Variants in STK11IP observed in about 807,000 individuals in gnomAD.
STK11IP encodes serine/threonine kinase 11 interacting protein, also known as serine/threonine-protein kinase 11-interacting protein.
In STK11IP, 103 loss-of-function variants were observed where a neutral mutation model predicts 131.7. That is an observed-to-expected ratio of 0.78 (90% CI 0.67 to 0.92). The LOEUF (loss-of-function observed/expected upper bound fraction) is 0.92, where lower values mean the gene tolerates loss of function less well. Ranked by LOEUF, STK11IP falls within the 40% of genes least tolerant of loss-of-function variation. The pLI, the probability that STK11IP is intolerant of heterozygous loss-of-function variation, is 0.00. For synonymous variants in STK11IP, 557 were observed against 575.6 expected, an observed-to-expected ratio of 0.97 and a Z score of 0.46; for missense variants, 1,315 against 1,385.7, an observed-to-expected ratio of 0.95 and a Z score of 0.81.
Position 219,615,144 on chromosome 2 carries a change from C to T in STK11IP, c.2920C>T (p.Leu974=), listed in dbSNP as rs537512363. 9 of 1,608,352 alleles carry T rather than the reference C, an allele frequency of 5.6e-6. No individual in the cohort carries two copies. The East Asian group carries it at 1.6e-4, about 28-fold the overall frequency. ...GTTGCTGACTCCGTCCACCCTGTTC[C>T]TGTTAGATGAGGATGCTGCAGGGTC... The part of the protein sequence containing the change: ...SLLLTPSTLF[L]LDEDAAGSPA... The change falls in exon 24 of 25, where the codon CTG becomes TTG. Residue 974 remains leucine (L), a synonymous_variant. Coordinates refer to ENST00000456909, the MANE Select transcript of STK11IP (RefSeq NM_052902.4).
At chr2:219,610,917 T>C (rs1698375879) in intron 17 of STK11IP, among the ~76,000 whole-genome samples, 2 of 152,190 alleles carry the variant, frequency 1.3e-5, no homozygotes, top group Non-Finnish European at 2.9e-5. Context: ...TTTTCTTTCT[T>C]CTTTGCAAAA....
chr2:219,609,165 G>A lies in STK11IP; in HGVS notation c.1878G>A (p.Gln626=). 1 of 1,610,558 alleles carries A rather than the reference G, an allele frequency of 6.2e-7. No homozygotes were observed. Among genetic ancestry groups the A allele is most frequent in the Non-Finnish European group, 8.5e-7 (1 of 1,178,558 alleles). Residue 626 remains glutamine, a synonymous_variant, in exon 16 of 25, where the codon CAG becomes CAA. Transcript: ENST00000456909. ...LRFSYICPDR[Q]LRRYLVLEPD... ...TCTCCTACATCTGCCCTGACCGGCA[G>A]TTGCGTCGCTATTTGGTGCTGGAGC... is the stretch of plus-strand genomic sequence containing the variant.
At chr2:219,611,921 C>T in intron 18 of STK11IP, 34 bp from the exon 19 acceptor site, 3 of 1,575,488 alleles carry the variant, frequency 1.9e-6, no homozygotes, top group African/African-American at 2.7e-5. Context: ...CAGGGGCTGC[C>T]ATGGGCAGGC....
At chr2:219,615,696 C>G in intron 24 of STK11IP, 1 of 639,690 alleles carries the variant, frequency 1.6e-6, no homozygotes, top group Non-Finnish European at 3.0e-6. Context: ...GGTTACTGGT[C>G]CTATTTACAG....
intron 16 of STK11IP, 30 bp downstream of exon 16, chr2:219,609,243 G>A: frequency 6.3e-7 from 1 of 1,577,952 alleles, no homozygotes; most frequent in Non-Finnish European, 8.6e-7. Context: ...GGGCCCAGGA[G>A]GCTGTGGGGA....
At chr2:219,607,582 C>G (rs1698234432) in intron 13 of STK11IP, among the ~76,000 whole-genome samples, 1 of 151,970 alleles carries the variant, frequency 6.6e-6, no homozygotes, top group Non-Finnish European at 1.5e-5. Context: ...TCGCCAGAGC[C>G]TGATAGTTCA....
At chr2:219,602,354 T>C (rs1400060504) in intron 5 of STK11IP, 114 bp from the exon 6 acceptor site, 71 of 819,912 alleles carry the variant, frequency 8.7e-5, no homozygotes, top group South Asian at 8.1e-4. Context: ...AGCCTGTATC[T>C]TCAGATGGAG....
chr2:219,615,142 TC>T lies in STK11IP; in HGVS notation c.2920del (p.Leu974CysfsTer2). The T allele has an allele frequency of 1.1e-5, 17 of 1,608,456 alleles. No individual in the cohort carries two copies. Among genetic ancestry groups the T allele is most frequent in the Non-Finnish European group, 1.4e-5 (17 of 1,178,750 alleles). On this transcript the variant is annotated frameshift_variant, in exon 24 of 25. Coordinates refer to ENST00000456909, the MANE Select transcript of STK11IP (RefSeq NM_052902.4). LOFTEE classifies it high-confidence loss of function. ...CTGTTGCTGACTCCGTCCACCCTGT[TC>T]CTGTTAGATGAGGATGCTGCAGGGT... ...VSLLLTPSTL[F>X]LLDEDAAGSP...
At chr2:219,606,605 G>A in intron 11 of STK11IP, 88 bp downstream of exon 11, 1 of 1,604,878 alleles carries the variant, frequency 6.2e-7, no homozygotes, top group Non-Finnish European at 8.5e-7. Flanking sequence ...TGGTGACAGG[G>A]TCTTCCTGGT....
chr2:219,614,853 A>G (rs1475654515), intron 23 of STK11IP: 1 of 623,570 alleles, frequency 1.6e-6, no homozygotes, highest in African/African-American at 1.8e-5. Context: ...GAGAGGGTGG[A>G]GCCTTGTTTC....
chr2:219,615,801 G>A (rs1468075920), intron 24 of STK11IP: 3 of 703,888 alleles, frequency 4.3e-6, no homozygotes, highest in African/African-American at 1.8e-5. Context: ...AATTGAGCCC[G>A]CATCTTCTGT....
At chr2:219,614,443 C>T (rs1373937703) in intron 22 of STK11IP, 33 bp from the exon 23 acceptor site, 10 of 1,610,064 alleles carry the variant, frequency 6.2e-6, no homozygotes, top group Middle Eastern at 1.7e-4. Flanking sequence ...CACCCGCTAG[C>T]TGATCTTCCT....
Position 219,614,194 on chromosome 2 carries a change from A to T in STK11IP, c.2750A>T (p.Asn917Ile). ...VLQSLPPAWR[N>I]CVSATEEEVT... is the part of the protein sequence containing the mutation. ...CAGTCTCTGCCCCCTGCCTGGAGGA[A>T]CTGTGTCAGTGCCACAGAGGAGGAG... The change falls in exon 22 of 25, where the codon AAC (asparagine) becomes ATC (isoleucine). Residue 917 changes from asparagine (N) to isoleucine (I), a missense_variant. Physicochemically the swap from Asn to Ile is moderately radical, Grantham distance 149. Transcript: ENST00000456909. 6.2e-7 allele frequency: 1 copy of T among 1,613,400 alleles called. No individual in the cohort carries two copies. Among genetic ancestry groups the T allele is most frequent in the East Asian group, 2.2e-5 (1 of 44,878 alleles).
rs756406037 is a variant in STK11IP at position 219,612,017 on chromosome 2, G to T, written c.2398G>T (p.Val800Leu). 1.9e-6 allele frequency: 3 copies of T among 1,605,778 alleles called. No individual in the cohort carries two copies. In the South Asian group the frequency reaches 3.4e-5, roughly 18 times the overall value. Residue 800 changes from valine (V) to leucine (L), a missense_variant, in exon 19 of 25, where the codon GTG (valine) becomes TTG (leucine). Physicochemically the swap from Val to Leu is conservative, Grantham distance 32. Transcript: ENST00000456909. ...HRLRLFLDVE[V>L]FSDAQEEFQC... is the part of the protein sequence containing the mutation. ...ACTCCGGCTCTTCCTGGATGTTGAG[G>T]TGTTCAGCGATGCCCAGGAGGAGTT...
At position 219,601,681 on chromosome 2, in the gene STK11IP, A is replaced by G. The variant is rs777418586; in HGVS notation, c.308A>G (p.Lys103Arg). The G allele has an allele frequency of 5.0e-6, 8 of 1,605,794 alleles. No homozygotes were observed. The highest frequency in any genetic ancestry group is 6.8e-6 in the Non-Finnish European group (8 of 1,175,816). The stretch of plus-strand genomic sequence containing the variant: ...GGTCCTGGCCCCACAGGGCCCATCA[A>G]GATTTTCCCCTTCAAATCCCTTCGG... ...VAGPGPTGPI[K>R]IFPFKSLRHL... is the part of the protein sequence containing the mutation. Residue 103 changes from lysine (K) to arginine (R), a missense_variant, in exon 4 of 25, where the codon AAG becomes AGG. By Grantham distance (26) the Lys-to-Arg change is conservative. Transcript: ENST00000456909.
At chr2:219,598,302 C>A (rs574633272) in intron 2 of STK11IP, 122 bp downstream of exon 2, 3 of 699,088 alleles carry the variant, frequency 4.3e-6, no homozygotes, top group East Asian at 6.5e-5. Flanking sequence ...TGTCAGAGTT[C>A]AATTTCTTTA....
rs749443529 is a variant in STK11IP at position 219,609,231 on chromosome 2, G to T, written c.1926+18G>T. 3 of 1,583,898 alleles carry T rather than the reference G, an allele frequency of 1.9e-6. No individual in the cohort carries two copies. The highest frequency in any genetic ancestry group is 2.6e-6 in the Non-Finnish European group (3 of 1,164,674). On this transcript the variant is annotated intron_variant, in intron 16 of 24. Coordinates refer to ENST00000456909, the MANE Select transcript of STK11IP (RefSeq NM_052902.4). ...CTGTCCAGGTGATGGCGCCCAGAGT[G>T]GGGGCCCAGGAGGCTGTGGGGATTA...
chr2:219,613,673 G>A, intron 20 of STK11IP, 79 bp from the exon 21 acceptor site: 1 of 1,552,504 alleles, frequency 6.4e-7, no homozygotes, highest in Non-Finnish European at 8.9e-7. Context: ...AGTGAGGCAG[G>A]TGCAGCTGGG....
In STK11IP at chr2:219,608,659, G is replaced by A. The variant is rs200874534; in HGVS notation, c.1680G>A (p.Arg560=). 2.4e-5 allele frequency: 38 copies of A among 1,613,632 alleles called. No individual in the cohort carries two copies. The highest frequency in any genetic ancestry group is 3.2e-5 in the Non-Finnish European group (38 of 1,179,792). Residue 560 remains arginine, a synonymous_variant, in exon 15 of 25, where the codon AGG becomes AGA. Coordinates refer to ENST00000456909, the MANE Select transcript of STK11IP (RefSeq NM_052902.4). ...TACGGGGCAGGGAATGCTTTCTCAGGGTCACTTCTGCCCACCTGTTTGAGG... is the reference window on the plus strand; with the variant it reads ...TACGGGGCAGGGAATGCTTTCTCAGAGTCACTTCTGCCCACCTGTTTGAGG... The part of the protein sequence containing the change: ...EGVRGRECFL[R]VTSAHLFEVE...
Sources: allele counts gnomAD v4.1 joint callset (sites outside exome capture counted in the v4.1 genomes callset), GRCh38; gene constraint gnomAD v4.1.1; transcripts MANE v1.5; gene names NCBI Gene and HGNC (gene_info 2026-07-23, HGNC 2026-07-21).